The following DSCAM variants were observed in gnomAD, a reference collection of about 807,000 sequenced individuals.
DSCAM encodes the protein cell adhesion molecule DSCAM.
In DSCAM, 47 loss-of-function variants were observed where a neutral mutation model predicts 217.7. The ratio of observed to expected loss-of-function variants is 0.22; its 90% CI spans 0.17 to 0.28. The LOEUF (loss-of-function observed/expected upper bound fraction) is 0.28, where lower values mean the gene tolerates loss of function less well. DSCAM is among the 10% of genes least tolerant of loss of function. The probability of loss-of-function intolerance (pLI) is 1.00; values close to 1 mark genes in which losing one functional copy is unlikely to be tolerated. For missense variants in DSCAM, 2,080 were observed against 2,618.3 expected (o/e 0.79, Z 4.49); for synonymous variants, 1,056 against 1,015.3 (o/e 1.04, Z -0.76).
Position 40,257,804 on chromosome 21 carries a change from A to G in DSCAM, c.2356+18293T>C, listed in dbSNP as rs544901330. On this transcript the variant is annotated intron_variant, in intron 11 of 32. Coordinates refer to ENST00000400454, the MANE Select transcript of DSCAM (RefSeq NM_001389.5). ...TTTCTCCTGGCTTCAATACATGGCC[A>G]AGGTAGCACAGAGGTGGCTCCATGG... 1.2e-3 allele frequency among the ~76,000 whole-genome samples: 188 copies of G among 152,304 alleles called. 1 individual carries two copies. In the South Asian group the frequency reaches 0.016, roughly 13 times the overall value.
chr21:40,337,384 A>G (rs1044148060), intron 8 of DSCAM, among the ~76,000 whole-genome samples: 3 of 152,238 alleles, frequency 2.0e-5, no homozygotes, highest in African/African-American at 4.8e-5. Flanking sequence ...AAACAATTTT[A>G]TTTCATATTC....
At chr21:40,478,340 C>T (rs2075954611) in intron 3 of DSCAM, among the ~76,000 whole-genome samples, 1 of 152,150 alleles carries the variant, frequency 6.6e-6, no homozygotes, top group Non-Finnish European at 1.5e-5. Context: ...ACCTGTAGTA[C>T]ATGTGGACAT....
At chr21:40,759,569 G>A (rs1047743567) in intron 1 of DSCAM, among the ~76,000 whole-genome samples, 2 of 152,296 alleles carry the variant, frequency 1.3e-5, no homozygotes, top group East Asian at 3.9e-4. Flanking sequence ...TGCACCTGCA[G>A]GCTAATTATG....
Position 40,846,458 on chromosome 21 carries a change from A to C in DSCAM, c.43+161T>G, listed in dbSNP as rs557682165. 1.2e-4 allele frequency among the ~76,000 whole-genome samples: 18 copies of C among 152,238 alleles called. No individual in the cohort carries two copies. In the South Asian group the frequency reaches 3.7e-3, roughly 32 times the overall value. On this transcript the variant is annotated intron_variant, in intron 1 of 32. Transcript: ENST00000400454. ...GCCACCTCTTCTCCCCCAAAAAATA[A>C]ATATGATATTTAAAAAATAAATAAA... is the stretch of plus-strand genomic sequence containing the variant.
chr21:40,825,500 T>C (rs1185528612), intron 1 of DSCAM, among the ~76,000 whole-genome samples: 1 of 152,078 alleles, frequency 6.6e-6, no homozygotes, highest in Non-Finnish European at 1.5e-5. Flanking sequence ...GTATTTTTAG[T>C]AGAGACGGGG....
intron 20 of DSCAM, among the ~76,000 whole-genome samples, chr21:40,119,719 T>C (rs1400664879): frequency 6.6e-6 from 1 of 151,472 alleles, no homozygotes; most frequent in Non-Finnish European, 1.5e-5. Flanking sequence ...AATTGCTATC[T>C]AGTAGCGTCA....
chr21:40,803,283 G>A (rs2091758285), intron 1 of DSCAM, among the ~76,000 whole-genome samples: 1 of 152,130 alleles, frequency 6.6e-6, no homozygotes, highest in Non-Finnish European at 1.5e-5. Context: ...TGCCTTTGAC[G>A]TTCTCATTGC....
intron 3 of DSCAM, among the ~76,000 whole-genome samples, chr21:40,585,162 G>A (rs4346468): frequency 1.3e-5 from 2 of 149,490 alleles, no homozygotes; most frequent in African/African-American, 5.0e-5. Flanking sequence ...CTGTAGAACC[G>A]CGAGACAAAT....
chr21:40,364,697 TATATATATATAC>T (rs1384748704), intron 4 of DSCAM, among the ~76,000 whole-genome samples: 1 of 148,108 alleles, frequency 6.8e-6, no homozygotes, highest in Non-Finnish European at 1.5e-5. Flanking sequence ...AGTGTATATA[TATATATATATAC>T]ACACACAGTA....
At chr21:40,480,622 C>A (rs996956082) in intron 3 of DSCAM, among the ~76,000 whole-genome samples, 3 of 152,202 alleles carry the variant, frequency 2.0e-5, no homozygotes, top group African/African-American at 7.2e-5. Context: ...TTACATGCTA[C>A]AATTTTGATG....
At chr21:40,133,071 A>C (rs992820132) in intron 19 of DSCAM, among the ~76,000 whole-genome samples, 1 of 152,212 alleles carries the variant, frequency 6.6e-6, no homozygotes, top group Admixed American at 6.5e-5. Context: ...GGAAGGTTCT[A>C]TGTGGGCATC....
At chr21:40,376,702 T>A (rs551989192) in intron 3 of DSCAM, among the ~76,000 whole-genome samples, 325 of 132,288 alleles carry the variant, frequency 2.5e-3, no homozygotes, top group Middle Eastern at 4.3e-3. Context: ...CATATATATC[T>A]TATATAGATA....
At chr21:40,364,731 T>C (rs892919273) in intron 4 of DSCAM, among the ~76,000 whole-genome samples, 6 of 145,680 alleles carry the variant, frequency 4.1e-5, no homozygotes, top group Admixed American at 1.4e-4. Context: ...TATATATACA[T>C]ATATATATAT....
intron 1 of DSCAM, among the ~76,000 whole-genome samples, chr21:40,792,145 T>C (rs1439752525): frequency 3.4e-5 from 5 of 146,086 alleles, no homozygotes; most frequent in African/African-American, 7.8e-5. Context: ...TTCTTTTTTT[T>C]TTTTTTTTTT....
chr21:40,530,044 A>G (rs2076431026), intron 3 of DSCAM, among the ~76,000 whole-genome samples: 1 of 152,218 alleles, frequency 6.6e-6, no homozygotes, highest in African/African-American at 2.4e-5. Context: ...TGATGAAATA[A>G]TAAGAACTGA....
intron 3 of DSCAM, among the ~76,000 whole-genome samples, chr21:40,410,620 T>A (rs1034869835): frequency 2.1e-5 from 3 of 144,474 alleles, no homozygotes; most frequent in East Asian, 4.2e-4. Context: ...AAGAAAAAAA[T>A]ATCTAAAGGG....
intron 3 of DSCAM, among the ~76,000 whole-genome samples, chr21:40,571,996 T>C (rs545919270): frequency 3.3e-5 from 5 of 152,160 alleles, no homozygotes; most frequent in Non-Finnish European, 1.5e-5. Context: ...ATAATGCAAA[T>C]GCAAATTCAA....
chr21:40,765,780 G>A (rs988521600), intron 1 of DSCAM, among the ~76,000 whole-genome samples: 5 of 152,218 alleles, frequency 3.3e-5, no homozygotes, highest in Admixed American at 2.6e-4. Flanking sequence ...CAAAGCTGAC[G>A]TCTCATTGCA....
chr21:40,570,947 T>C (rs1012515602), intron 3 of DSCAM, among the ~76,000 whole-genome samples: 15 of 151,706 alleles, frequency 9.9e-5, no homozygotes, highest in African/African-American at 3.4e-4. Context: ...GGAGAAAAAA[T>C]ATTTTAAGAG....
Sources: gnomAD v4.1 joint callset for allele counts (sites outside exome capture counted in the v4.1 genomes callset) on GRCh38, gnomAD v4.1.1 for gene constraint, MANE v1.5 for transcripts, NCBI Gene and HGNC (gene_info 2026-07-23, HGNC 2026-07-21) for gene names.